Variants in PIP4K2A observed in about 807,000 individuals in gnomAD.
PIP4K2A encodes phosphatidylinositol 5-phosphate 4-kinase type-2 alpha.
A neutral mutation model predicts 42.9 loss-of-function variants in PIP4K2A; 14 were observed. The ratio of observed to expected loss-of-function variants is 0.33; its 90% CI spans 0.22 to 0.51. The LOEUF (loss-of-function observed/expected upper bound fraction) is 0.51. Among genes scored for constraint, PIP4K2A ranks in the 20% least tolerant of loss-of-function variants. The pLI is 0.97. For synonymous variants in PIP4K2A, 192 were observed against 192.2 expected, an observed-to-expected ratio of 1.00 and a Z score of 0.01; for missense variants, 434 against 519.8, an observed-to-expected ratio of 0.83 and a Z score of 1.61.
intron 1 of PIP4K2A, among the ~76,000 whole-genome samples, chr10:22,672,820 G>A (rs1839481478): frequency 6.6e-6 from 1 of 152,184 alleles, no homozygotes; most frequent in Non-Finnish European, 1.5e-5. Flanking sequence ...ACTCAAGACA[G>A]TTAATACCCA....
At chr10:22,634,635 T>TA (rs1404524926) in intron 1 of PIP4K2A, among the ~76,000 whole-genome samples, 1 of 152,222 alleles carries the variant, frequency 6.6e-6, no homozygotes, top group East Asian at 1.9e-4. Context: ...AGGATGCACT[T>TA]ATGTATTCCT....
At chr10:22,660,243 G>A (rs1279500446) in intron 1 of PIP4K2A, among the ~76,000 whole-genome samples, 5 of 152,294 alleles carry the variant, frequency 3.3e-5, no homozygotes, top group South Asian at 2.1e-4. Flanking sequence ...GACCAAGGCG[G>A]GCGGATTGCC....
chr10:22,623,730 G>A (rs552094990), intron 1 of PIP4K2A, among the ~76,000 whole-genome samples: 11 of 152,242 alleles, frequency 7.2e-5, no homozygotes, highest in East Asian at 3.9e-4. Flanking sequence ...CTAAAGCAAC[G>A]CTCACAAAAC....
chr10:22,542,950 G>A (rs1836161377), intron 7 of PIP4K2A, among the ~76,000 whole-genome samples: 1 of 152,176 alleles, frequency 6.6e-6, no homozygotes, highest in African/African-American at 2.4e-5. Context: ...GTCCAGGAAG[G>A]TTCACGGTCC....
At chr10:22,680,011 A>T (rs1193387900) in intron 1 of PIP4K2A, among the ~76,000 whole-genome samples, 4 of 152,024 alleles carry the variant, frequency 2.6e-5, no homozygotes, top group African/African-American at 9.7e-5. Flanking sequence ...ACTAAAAAGC[A>T]ATGAATTGCA....
intron 4 of PIP4K2A, among the ~76,000 whole-genome samples, chr10:22,574,096 T>G (rs1837053688): frequency 8.0e-5 from 1 of 12,552 alleles, no homozygotes; most frequent in African/African-American, 6.6e-4. Context: ...CCGAGGAGAG[T>G]TGCAAAAAAA....
At chr10:22,604,491 G>C (rs943485692) in intron 3 of PIP4K2A, among the ~76,000 whole-genome samples, 1 of 151,768 alleles carries the variant, frequency 6.6e-6, no homozygotes, top group Non-Finnish European at 1.5e-5. Flanking sequence ...ATTTAGAGCC[G>C]CTTGTCCAAA....
At chr10:22,669,655 A>G (rs1171691748) in intron 1 of PIP4K2A, among the ~76,000 whole-genome samples, 1 of 152,174 alleles carries the variant, frequency 6.6e-6, no homozygotes. Context: ...TGGAGAGGCC[A>G]TGCACACTCA....
chr10:22,655,128 C>T (rs1839073919), intron 1 of PIP4K2A, among the ~76,000 whole-genome samples: 2 of 152,162 alleles, frequency 1.3e-5, no homozygotes, highest in African/African-American at 4.8e-5. Flanking sequence ...AATTGTGCCT[C>T]AAGAGGCAGG....
At chr10:22,617,958 G>C (rs1588666642) in intron 1 of PIP4K2A, among the ~76,000 whole-genome samples, 2 of 152,234 alleles carry the variant, frequency 1.3e-5, no homozygotes, top group South Asian at 2.1e-4. Context: ...TAAGCACAAA[G>C]GGTTCAAGAT....
At chr10:22,705,156 T>C (rs187085818) in intron 1 of PIP4K2A, among the ~76,000 whole-genome samples, 38 of 151,636 alleles carry the variant, frequency 2.5e-4, no homozygotes, top group African/African-American at 8.7e-4. Flanking sequence ...AAGGAAGAAA[T>C]GACTTCAGAG....
chr10:22,686,194 A>G (rs1178304118), intron 1 of PIP4K2A, among the ~76,000 whole-genome samples: 1 of 152,200 alleles, frequency 6.6e-6, no homozygotes, highest in Admixed American at 6.5e-5. Flanking sequence ...GAAACTCATT[A>G]TTCCCAAAGG....
chr10:22,709,258 C>G (rs1833874284), intron 1 of PIP4K2A, among the ~76,000 whole-genome samples: 1 of 152,162 alleles, frequency 6.6e-6, no homozygotes, highest in Non-Finnish European at 1.5e-5. Flanking sequence ...GTGCTAATTA[C>G]AGTGCTAGGC....
chr10:22,609,692 A>C lies in PIP4K2A; in HGVS notation c.170T>G (p.Ile57Ser). 1 of 1,607,172 alleles carries C rather than the reference A, an allele frequency of 6.2e-7. No individual in the cohort carries two copies. Residue 57 changes from isoleucine to serine, a missense_variant, in exon 2 of 10, where the codon ATC (isoleucine) becomes AGC (serine). Physicochemically the swap from Ile to Ser is moderately radical, Grantham distance 142. Transcript: ENST00000376573. ...GTCATCTGGCATCAACATAACAGGG[A>C]TTTGAACATGGCTCAGTTCATTGAT... Reference protein sequence around the residue: ...HSINELSHVQIPVMLMPDDFK... With the variant: ...HSINELSHVQSPVMLMPDDFK...
intron 8 of PIP4K2A, among the ~76,000 whole-genome samples, chr10:22,541,465 G>A (rs1361131326): frequency 6.6e-6 from 1 of 152,182 alleles, no homozygotes; most frequent in Non-Finnish European, 1.5e-5. Context: ...ACATGTATGT[G>A]TGCATATGTA....
At chr10:22,671,580 T>C (rs1828610671) in intron 1 of PIP4K2A, among the ~76,000 whole-genome samples, 1 of 152,030 alleles carries the variant, frequency 6.6e-6, no homozygotes, top group Non-Finnish European at 1.5e-5. Flanking sequence ...TGCGAGTCAT[T>C]AGGGGCATTG....
chr10:22,696,463 A>G (rs1434521138), intron 1 of PIP4K2A, among the ~76,000 whole-genome samples: 1 of 152,204 alleles, frequency 6.6e-6, no homozygotes, highest in Non-Finnish European at 1.5e-5. Context: ...AAATGGGAAT[A>G]AATTTGTTTT....
At chr10:22,651,706 C>G (rs1839000443) in intron 1 of PIP4K2A, among the ~76,000 whole-genome samples, 1 of 152,216 alleles carries the variant, frequency 6.6e-6, no homozygotes, top group Admixed American at 6.5e-5. Context: ...GTCTCCCGGA[C>G]AGTGGAACCG....
chr10:22,622,613 G>A (rs1330885425), intron 1 of PIP4K2A, among the ~76,000 whole-genome samples: 1 of 152,246 alleles, frequency 6.6e-6, no homozygotes, highest in Non-Finnish European at 1.5e-5. Context: ...GTGGGCGGCA[G>A]CACAAAGGCT....
Sources: allele counts gnomAD v4.1 joint callset (sites outside exome capture counted in the v4.1 genomes callset), GRCh38; gene constraint gnomAD v4.1.1; transcripts MANE v1.5; gene names NCBI Gene and HGNC (gene_info 2026-07-23, HGNC 2026-07-21).